OSBP2: variants seen among roughly 807,000 people sequenced by gnomAD.
OSBP2 encodes the protein oxysterol-binding protein 2.
In OSBP2, 66 loss-of-function variants were observed where a neutral mutation model predicts 96.0. That is an observed-to-expected ratio of 0.69 (90% confidence interval 0.56 to 0.84). OSBP2 has a LOEUF of 0.84. Ranked by LOEUF, OSBP2 falls within the 40% of genes least tolerant of loss-of-function variation. The pLI, the probability that OSBP2 is intolerant of heterozygous loss-of-function variation, is 0.00. For missense variants in OSBP2, 1,038 were observed against 1,222.7 expected, an observed-to-expected ratio of 0.85 and a Z score of 2.25; for synonymous variants, 525 against 520.9, an observed-to-expected ratio of 1.01 and a Z score of -0.11.
chr22:30,694,021 G>T, upstream of OSBP2: 1 of 1,535,522 alleles, frequency 6.5e-7, no homozygotes, highest in South Asian at 1.2e-5. Flanking sequence ...TAACCATTCT[G>T]GGGTCACAGC....
At chr22:30,763,039 T>C (rs2145775662) in intron 2 of OSBP2, among the ~76,000 whole-genome samples, 1 of 152,316 alleles carries the variant, frequency 6.6e-6, no homozygotes, top group South Asian at 2.1e-4. Flanking sequence ...TGTGTGACCT[T>C]GGACAAGTTG....
At chr22:30,848,123 A>G (rs1225244966) in intron 2 of OSBP2, among the ~76,000 whole-genome samples, 1 of 152,142 alleles carries the variant, frequency 6.6e-6, no homozygotes, top group Admixed American at 6.6e-5. Context: ...CAGCTATATA[A>G]TATTCTGTTA....
chr22:30,775,119 G>A (rs1006162781), intron 2 of OSBP2, among the ~76,000 whole-genome samples: 1 of 151,942 alleles, frequency 6.6e-6, no homozygotes, highest in South Asian at 2.1e-4. Flanking sequence ...AGTGTTGCGC[G>A]GCCATCACCT....
intron 2 of OSBP2, among the ~76,000 whole-genome samples, chr22:30,782,336 T>TC (rs1254200650): frequency 2.0e-5 from 3 of 152,170 alleles, no homozygotes; most frequent in Non-Finnish European, 4.4e-5. Flanking sequence ...CAACCACTAA[T>TC]CTACTTTCTT....
At chr22:30,755,080 C>T (rs116106926) in intron 2 of OSBP2, among the ~76,000 whole-genome samples, 2,391 of 152,306 alleles carry the variant, frequency 0.016, 55 homozygotes, top group African/African-American at 0.053. Flanking sequence ...GCATCTCCAA[C>T]GCCCTAGCCA....
At chr22:30,782,574 ATC>A (rs777435885) in intron 2 of OSBP2, among the ~76,000 whole-genome samples, 2 of 152,272 alleles carry the variant, frequency 1.3e-5, no homozygotes, top group Non-Finnish European at 2.9e-5. Flanking sequence ...TTTGAAATCC[ATC>A]TGTGTTGTTG....
chr22:30,725,559 C>CA (rs1483940230), intron 1 of OSBP2, among the ~76,000 whole-genome samples: 19 of 149,992 alleles, frequency 1.3e-4, no homozygotes, highest in South Asian at 4.2e-4. Flanking sequence ...AAAAAAAACA[C>CA]ACAAAAAAAA....
At chr22:30,702,580 A>G (rs2089181202) in intron 1 of OSBP2, among the ~76,000 whole-genome samples, 1 of 152,088 alleles carries the variant, frequency 6.6e-6, no homozygotes, top group African/African-American at 2.4e-5. Context: ...TGCCACTGCA[A>G]TCCAGCCTGG....
intron 2 of OSBP2, among the ~76,000 whole-genome samples, chr22:30,807,891 TC>T (rs2090950898): frequency 6.6e-6 from 1 of 152,184 alleles, no homozygotes; most frequent in Non-Finnish European, 1.5e-5. Context: ...GCTCAAGTGA[TC>T]CTCCTGCCTT....
chr22:30,699,742 G>A (rs775139694), intron 1 of OSBP2, among the ~76,000 whole-genome samples: 12 of 151,932 alleles, frequency 7.9e-5, no homozygotes, highest in Admixed American at 2.6e-4. Context: ...GATTTTGCTC[G>A]AGAAACTCAT....
At chr22:30,731,047 G>A (rs956105901) in intron 1 of OSBP2, among the ~76,000 whole-genome samples, 3 of 151,216 alleles carry the variant, frequency 2.0e-5, no homozygotes, top group African/African-American at 7.3e-5. Context: ...GGTGGCGGGC[G>A]CCTATAGTCC....
intron 2 of OSBP2, among the ~76,000 whole-genome samples, chr22:30,743,308 A>G (rs1276867899): frequency 2.6e-5 from 4 of 152,186 alleles, no homozygotes; most frequent in Admixed American, 2.6e-4. Context: ...AGTGAGTATT[A>G]AAGGGCACTG....
At chr22:30,891,815 G>A (rs962847711) in intron 8 of OSBP2, among the ~76,000 whole-genome samples, 1 of 152,166 alleles carries the variant, frequency 6.6e-6, no homozygotes, top group Non-Finnish European at 1.5e-5. Flanking sequence ...AGGTGCCCTC[G>A]ACATGCCAGG....
intron 2 of OSBP2, among the ~76,000 whole-genome samples, chr22:30,761,748 A>G (rs1487739553): frequency 6.6e-6 from 1 of 152,232 alleles, no homozygotes; most frequent in Non-Finnish European, 1.5e-5. Context: ...AGACATATAC[A>G]TTAATGGAAC....
At chr22:30,752,697 C>T (rs1180882627) in intron 2 of OSBP2, among the ~76,000 whole-genome samples, 1 of 152,042 alleles carries the variant, frequency 6.6e-6, no homozygotes, top group Non-Finnish European at 1.5e-5. Context: ...TTAGTTCTCT[C>T]CTGGATCAAG....
intron 1 of OSBP2, among the ~76,000 whole-genome samples, chr22:30,708,430 T>C (rs1225302774): frequency 6.6e-6 from 1 of 151,284 alleles, no homozygotes; most frequent in Non-Finnish European, 1.5e-5. Flanking sequence ...ATTCTAAATA[T>C]GATATTTTAC....
intron 2 of OSBP2, among the ~76,000 whole-genome samples, chr22:30,835,297 A>G (rs922075924): frequency 5.3e-5 from 8 of 152,112 alleles, no homozygotes; most frequent in African/African-American, 1.9e-4. Flanking sequence ...ATTTAGATCT[A>G]TGATTCATTT....
rs569035794 is a variant in OSBP2 at position 30,889,939 on chromosome 22, G to A, written c.1623+303G>A. ...GACCTTACCATGTCCCAGCTGTCCCGATCTGTAGATGGGGAGTGGCAGGAT... is the reference window on the plus strand; with the variant it reads ...GACCTTACCATGTCCCAGCTGTCCCAATCTGTAGATGGGGAGTGGCAGGAT... On this transcript the variant is annotated intron_variant, in intron 7 of 13. Transcript: ENST00000332585. 6.2e-4 allele frequency among the ~76,000 whole-genome samples: 95 copies of A among 152,252 alleles called. 1 individual carries two copies. Among genetic ancestry groups the A allele is most frequent in the African/African-American group, 2.1e-3 (89 of 41,538 alleles).
At chr22:30,718,318 C>T (rs1206833674) in intron 1 of OSBP2, among the ~76,000 whole-genome samples, 1 of 152,202 alleles carries the variant, frequency 6.6e-6, no homozygotes, top group Non-Finnish European at 1.5e-5. Flanking sequence ...TTCAGTCTGT[C>T]ACAGCCTCTA....
Sources: allele counts gnomAD v4.1 joint callset (sites outside exome capture counted in the v4.1 genomes callset), GRCh38; gene constraint gnomAD v4.1.1; transcripts MANE v1.5; gene names NCBI Gene and HGNC (gene_info 2026-07-23, HGNC 2026-07-21).